Variants in ATP9B observed in about 807,000 individuals in gnomAD.
ATP9B encodes ATPase phospholipid transporting 9B.
In ATP9B, 110 loss-of-function variants were observed where a neutral mutation model predicts 146.1. That is an observed-to-expected ratio of 0.75 (90% CI 0.65 to 0.88). The LOEUF (loss-of-function observed/expected upper bound fraction) is 0.88. ATP9B is among the 40% of genes least tolerant of loss of function. The pLI is 0.00. For synonymous variants in ATP9B, 604 were observed against 569.7 expected (o/e 1.06, Z -0.86); for missense variants, 1,499 against 1,496.4 (o/e 1.00, Z -0.03).
At chr18:79,293,791 A>G (rs2096528213) in intron 13 of ATP9B, among the ~76,000 whole-genome samples, 1 of 152,240 alleles carries the variant, frequency 6.6e-6, no homozygotes, top group Admixed American at 6.5e-5. Context: ...CTTTATAAAC[A>G]TAACTCAAAA....
At chr18:79,101,503 T>C (rs2075279720) in intron 2 of ATP9B, among the ~76,000 whole-genome samples, 1 of 152,222 alleles carries the variant, frequency 6.6e-6, no homozygotes. Context: ...CATTTGTGTG[T>C]GTGGATGTGT....
At position 79,162,490 on chromosome 18, in the gene ATP9B, T is replaced by C. The variant is rs190744696; in HGVS notation, c.778+7935T>C. 3.1e-3 allele frequency among the ~76,000 whole-genome samples: 472 copies of C among 152,372 alleles called. 2 individuals carry two copies. Among genetic ancestry groups the C allele is most frequent in the African/African-American group, 0.011 (454 of 41,588 alleles). ...CTAATTTTCATCAATCTCTTATAAA[T>C]GTCAATATCTTTTTCACTTGTCTCC... On this transcript the variant is annotated intron_variant, in intron 7 of 29. Transcript: ENST00000426216.
At chr18:79,355,683 GAA>G (rs2096948178) in intron 25 of ATP9B, among the ~76,000 whole-genome samples, 1 of 152,200 alleles carries the variant, frequency 6.6e-6, no homozygotes, top group African/African-American at 2.4e-5. Flanking sequence ...TTCCAGGGGA[GAA>G]GAGACAGGGC....
At chr18:79,330,193 T>TCAATAAAGTTCATA in intron 17 of ATP9B, 89 bp downstream of exon 17, 1 of 1,167,056 alleles carries the variant, frequency 8.6e-7, no homozygotes, top group Non-Finnish European at 1.3e-6. Context: ...AGTGTTTCTA[T>TCAATAAAGTTCATA]GAACTTTATT....
intron 1 of ATP9B, among the ~76,000 whole-genome samples, chr18:79,095,216 G>T (rs1196332461): frequency 6.6e-6 from 1 of 152,012 alleles, no homozygotes; most frequent in Non-Finnish European, 1.5e-5. Context: ...CTTTCAAGAG[G>T]TGCATCCTTC....
intron 2 of ATP9B, among the ~76,000 whole-genome samples, chr18:79,100,925 C>T (rs1179177034): frequency 6.6e-6 from 1 of 152,172 alleles, no homozygotes; most frequent in East Asian, 1.9e-4. Flanking sequence ...GAAAGTCCCA[C>T]CCCCATAACT....
chr18:79,306,783 C>A (rs1297558141), intron 14 of ATP9B, among the ~76,000 whole-genome samples: 3 of 152,050 alleles, frequency 2.0e-5, no homozygotes, highest in Non-Finnish European at 4.4e-5. Context: ...ATTTGACAAC[C>A]TGGATATATC....
chr18:79,080,380 A>G (rs2073117708), intron 1 of ATP9B, among the ~76,000 whole-genome samples: 1 of 151,834 alleles, frequency 6.6e-6, no homozygotes. Context: ...TTGTATTCCT[A>G]GTTATTTTAT....
rs1028182638 is a variant in ATP9B, at chr18:79,190,533, CACACACACACACAT to C, written c.874-2648_874-2635del. Among the ~76,000 whole-genome samples the C allele has an allele frequency of 9.3e-5, 13 of 139,872 alleles. No individual in the cohort carries two copies. The East Asian group carries it at 1.4e-3, about 15-fold the overall frequency. 91.8% of individuals were successfully genotyped at this position (139,872 alleles called of 152,430 possible). A position where few individuals can be genotyped will look rare whatever the true frequency, so the allele number is the denominator to read the frequency against. On this transcript the variant is annotated intron_variant, in intron 8 of 29. Transcript: ENST00000426216. ...TTATACACACACACACACACACACA[CACACACACACACAT>C]ATACATATATTTTTGGCACAGAGTT...
chr18:79,178,707 A>G (rs2095213002), intron 8 of ATP9B, among the ~76,000 whole-genome samples: 1 of 152,222 alleles, frequency 6.6e-6, no homozygotes, highest in South Asian at 2.1e-4. Flanking sequence ...TATTACTGGC[A>G]TAAACCTCAC....
At chr18:79,109,399 A>G (rs912750273) in intron 2 of ATP9B, among the ~76,000 whole-genome samples, 1 of 152,186 alleles carries the variant, frequency 6.6e-6, no homozygotes, top group Admixed American at 6.5e-5. Flanking sequence ...GAAGGGGAAG[A>G]GTTGTGCTCC....
chr18:79,321,221 G>A (rs2096714045), intron 15 of ATP9B, among the ~76,000 whole-genome samples: 1 of 152,196 alleles, frequency 6.6e-6, no homozygotes, highest in African/African-American at 2.4e-5. Context: ...CGGAGAATCT[G>A]CCGTGTCCGT....
At chr18:79,154,206 C>T (rs187833939) in intron 6 of ATP9B, among the ~76,000 whole-genome samples, 7 of 152,038 alleles carry the variant, frequency 4.6e-5, no homozygotes, top group African/African-American at 1.2e-4. Context: ...CATGATCCGC[C>T]TGCCTCGGCC....
intron 15 of ATP9B, among the ~76,000 whole-genome samples, chr18:79,327,647 A>AGTGTGCTCTCCGTGTTTAGTG (rs1472036827): frequency 3.2e-5 from 1 of 31,288 alleles, no homozygotes; most frequent in African/African-American, 1.5e-4. Context: ...CCTGGTTAGC[A>AGTGTGCTCTCCGTGTTTAGTG]TGCTCTCCGT....
At chr18:79,163,528 G>A (rs72994255) in intron 7 of ATP9B, among the ~76,000 whole-genome samples, 9,262 of 151,994 alleles carry the variant, frequency 0.061, 366 homozygotes, top group Non-Finnish European at 0.092. Context: ...TCCATTTTAC[G>A]TTACTTTAAT....
At chr18:79,370,053 C>T (rs189345880) in intron 26 of ATP9B, among the ~76,000 whole-genome samples, 129 of 152,196 alleles carry the variant, frequency 8.5e-4, no homozygotes, top group African/African-American at 2.9e-3. Context: ...GAGCTGAGAT[C>T]GTGCCACTGC....
rs1476755140 is a variant in ATP9B at position 79,118,382 on chromosome 18, ACGTTTT to A, written c.558+5029_558+5034del. Among the ~76,000 whole-genome samples, 815 of 116,064 alleles carry A rather than the reference ACGTTTT, an allele frequency of 7.0e-3. 21 individuals carry two copies. Among genetic ancestry groups the A allele is most frequent in the African/African-American group, 0.025 (660 of 26,780 alleles). The allele number at this position is 116,064 out of a possible 152,430, so 76.1% of individuals were successfully genotyped here. A position where few individuals can be genotyped will look rare whatever the true frequency, so the allele number is the denominator to read the frequency against. On this transcript the variant is annotated intron_variant, in intron 4 of 29. Coordinates refer to ENST00000426216, the MANE Select transcript of ATP9B (RefSeq NM_198531.5). ...TCATTTTAAAACACAATCATATTGAACGTTTTTGTTTTTTTTTTTTTTTTTTTTTTT... is the reference window on the plus strand; with the variant it reads ...TCATTTTAAAACACAATCATATTGAATGTTTTTTTTTTTTTTTTTTTTTTT...
At chr18:79,076,612 C>T (rs1300046040) in intron 1 of ATP9B, among the ~76,000 whole-genome samples, 1 of 151,960 alleles carries the variant, frequency 6.6e-6, no homozygotes, top group Non-Finnish European at 1.5e-5. Flanking sequence ...AGTCGTTTGA[C>T]TGTTCTGGGT....
chr18:79,306,161 C>T (rs1252302477), intron 14 of ATP9B, among the ~76,000 whole-genome samples: 1 of 152,170 alleles, frequency 6.6e-6, no homozygotes, highest in African/African-American at 2.4e-5. Flanking sequence ...ATCTGTTCAC[C>T]CAGTCCAAGC....
Sources: gnomAD v4.1 joint callset for allele counts (sites outside exome capture counted in the v4.1 genomes callset) on GRCh38, gnomAD v4.1.1 for gene constraint, MANE v1.5 for transcripts, NCBI Gene and HGNC (gene_info 2026-07-23, HGNC 2026-07-21) for gene names.